Variants in CAST observed in about 807,000 individuals in gnomAD.
CAST encodes the protein calpastatin, also known as MIR583 host.
A neutral mutation model predicts 119.6 loss-of-function variants in CAST; 76 were observed. The ratio of observed to expected loss-of-function variants is 0.64; its 90% CI spans 0.53 to 0.77. The LOEUF (loss-of-function observed/expected upper bound fraction) is 0.77. Ranked by LOEUF, CAST falls within the 30% of genes least tolerant of loss-of-function variation. CAST has a pLI of 0.00. For missense variants in CAST, 953 were observed against 946.5 expected (o/e 1.01, Z -0.09); for synonymous variants, 319 against 331.6 (o/e 0.96, Z 0.41).
intron 1 of CAST, among the ~76,000 whole-genome samples, chr5:96,534,626 G>A (rs1745747741): frequency 6.7e-6 from 1 of 149,238 alleles, no homozygotes; most frequent in African/African-American, 2.5e-5. Flanking sequence ...CTGAGATCAT[G>A]CCACTGCACT....
the CAST span, among the ~76,000 whole-genome samples, chr5:96,407,281 G>A: frequency 6.6e-6 from 1 of 152,008 alleles, no homozygotes; most frequent in African/African-American, 2.4e-5. Flanking sequence ...TGTGAACCAA[G>A]GCCATAAAAC....
intron 2 of CAST, among the ~76,000 whole-genome samples, chr5:96,694,257 G>T (rs1753031062): frequency 6.6e-6 from 1 of 152,082 alleles, no homozygotes. Flanking sequence ...GCTAATTTAT[G>T]CATTATCTTG....
chr5:96,208,978 CA>C, the CAST span, among the ~76,000 whole-genome samples: 2 of 151,828 alleles, frequency 1.3e-5, no homozygotes, highest in African/African-American at 2.4e-5. Flanking sequence ...AGGTCTCTAA[CA>C]AGTTGTTTTA....
chr5:96,307,832 G>T, the CAST span, among the ~76,000 whole-genome samples: 1 of 152,186 alleles, frequency 6.6e-6, no homozygotes, highest in African/African-American at 2.4e-5. Flanking sequence ...CTGCTAGTCT[G>T]ATGGGCTTCC....
At chr5:96,726,990 T>C in intron 5 of CAST, 131 bp downstream of exon 5, 1 of 654,322 alleles carries the variant, frequency 1.5e-6, no homozygotes, top group Non-Finnish European at 2.7e-6. Flanking sequence ...TCTGTAGGCT[T>C]AGCTGCCCAT....
the CAST span, among the ~76,000 whole-genome samples, chr5:96,081,273 G>A: frequency 6.6e-6 from 1 of 152,172 alleles, no homozygotes; most frequent in Non-Finnish European, 1.5e-5. Context: ...TGAACACAGA[G>A]GGAATCCAGG....
intron 3 of CAST, among the ~76,000 whole-genome samples, chr5:96,713,010 G>A (rs56116814): frequency 0.11 from 17,319 of 152,078 alleles, 1,133 homozygotes; most frequent in Middle Eastern, 0.17. Context: ...GTTTTGCAGC[G>A]TAAGTGCACA....
chr5:96,525,753 A>C (rs1366957624), upstream of CAST, among the ~76,000 whole-genome samples: 1 of 152,202 alleles, frequency 6.6e-6, no homozygotes, highest in Non-Finnish European at 1.5e-5. Flanking sequence ...AAACAACAAC[A>C]AAAAAACTGT....
At chr5:96,599,334 A>G (rs527424654) in intron 1 of CAST, among the ~76,000 whole-genome samples, 48 of 152,322 alleles carry the variant, frequency 3.2e-4, no homozygotes, top group African/African-American at 6.5e-4. Context: ...GCTGAAATCA[A>G]TGCAGGTGGT....
the CAST span, among the ~76,000 whole-genome samples, chr5:96,474,713 G>C: frequency 6.6e-6 from 1 of 152,136 alleles, no homozygotes; most frequent in African/African-American, 2.4e-5. Context: ...TAGTAGGGGA[G>C]TAAACAGCCT....
the CAST span, among the ~76,000 whole-genome samples, chr5:96,149,506 T>C: frequency 3.3e-5 from 5 of 152,332 alleles, no homozygotes; most frequent in African/African-American, 9.6e-5. Context: ...ATCAGCCTCA[T>C]TGAAATGCAG....
chr5:96,712,703 G>T (rs1756418582), intron 3 of CAST, among the ~76,000 whole-genome samples: 1 of 152,184 alleles, frequency 6.6e-6, no homozygotes, highest in African/African-American at 2.4e-5. Context: ...CTTGCTGTCA[G>T]TATACATTTG....
At chr5:96,738,047 C>T (rs934474971) in intron 11 of CAST, 100 bp downstream of exon 11, 11 of 678,404 alleles carry the variant, frequency 1.6e-5, no homozygotes, top group African/African-American at 7.3e-5. Context: ...TGAGGCCAGG[C>T]GCAGTGGCTC....
At chr5:96,395,415 C>T in the CAST span, among the ~76,000 whole-genome samples, 30 of 152,212 alleles carry the variant, frequency 2.0e-4, no homozygotes, top group African/African-American at 4.1e-4. Context: ...ATTAATAAGC[C>T]CTTAAAAATT....
At chr5:96,326,474 C>G in the CAST span, among the ~76,000 whole-genome samples, 1 of 152,126 alleles carries the variant, frequency 6.6e-6, no homozygotes, top group Non-Finnish European at 1.5e-5. Flanking sequence ...ATAATTTTAT[C>G]TGTCAAACTC....
At chr5:95,993,646 C>T in the CAST span, among the ~76,000 whole-genome samples, 4 of 152,038 alleles carry the variant, frequency 2.6e-5, no homozygotes, top group Non-Finnish European at 5.9e-5. Context: ...GGACTTCCCC[C>T]AAATTTAAAA....
At chr5:96,702,628 T>C (rs1273799617) in intron 3 of CAST, among the ~76,000 whole-genome samples, 1 of 152,194 alleles carries the variant, frequency 6.6e-6, no homozygotes, top group African/African-American at 2.4e-5. Flanking sequence ...CAGCACGTGG[T>C]CCGCATCACA....
chr5:96,584,194 CATA>C (rs1310685704), intron 1 of CAST, among the ~76,000 whole-genome samples: 1 of 152,192 alleles, frequency 6.6e-6, no homozygotes, highest in African/African-American at 2.4e-5. Context: ...GTTAAGTTCT[CATA>C]ATGAGTCCAC....
the CAST span, among the ~76,000 whole-genome samples, chr5:95,983,301 G>A: frequency 2.6e-5 from 4 of 152,192 alleles, no homozygotes; most frequent in Admixed American, 6.5e-5. Flanking sequence ...AGTGGTTGTT[G>A]CAAGAGGGCT....
Sources: gnomAD v4.1 joint callset for allele counts (sites outside exome capture counted in the v4.1 genomes callset) on GRCh38, gnomAD v4.1.1 for gene constraint, MANE v1.5 for transcripts, NCBI Gene and HGNC (gene_info 2026-07-23, HGNC 2026-07-21) for gene names.